Variants in PPP2R2C observed in about 807,000 individuals in gnomAD.
PPP2R2C encodes protein phosphatase 2 regulatory subunit Bgamma.
In PPP2R2C, 10 loss-of-function variants were observed where a neutral mutation model predicts 45.3. The observed-to-expected ratio is 0.22, with a 90% CI of 0.14 to 0.37. The LOEUF (loss-of-function observed/expected upper bound fraction) is 0.37, where lower values mean the gene tolerates loss of function less well. Ranked by LOEUF, PPP2R2C falls within the 10% of genes least tolerant of loss-of-function variation. The pLI is 1.00. For missense variants in PPP2R2C, 308 were observed against 619.7 expected, an observed-to-expected ratio of 0.50 and a Z score of 5.34; for synonymous variants, 257 against 245.4, an observed-to-expected ratio of 1.05 and a Z score of -0.44.
At chr4:6,511,003 A>C (rs376105728) in intron 2 of PPP2R2C, among the ~76,000 whole-genome samples, 11,522 of 148,828 alleles carry the variant, frequency 0.077, 681 homozygotes, top group Non-Finnish European at 0.097. Flanking sequence ...ACAAACAAAA[A>C]AAAAAACAGA....
At chr4:6,484,699 T>C (rs887120519) in intron 2 of PPP2R2C, among the ~76,000 whole-genome samples, 17 of 151,908 alleles carry the variant, frequency 1.1e-4, no homozygotes, top group Non-Finnish European at 1.6e-4. Flanking sequence ...AAGTCTTTCA[T>C]GTCTTTTATC....
chr4:6,352,595 T>C (rs922601366), intron 5 of PPP2R2C, among the ~76,000 whole-genome samples: 2 of 152,200 alleles, frequency 1.3e-5, no homozygotes, highest in Non-Finnish European at 2.9e-5. Flanking sequence ...TAAGAGTCAT[T>C]TTCCCTGCAA....
chr4:6,457,674 G>A (rs1462570886), intron 1 of PPP2R2C, among the ~76,000 whole-genome samples: 2 of 151,974 alleles, frequency 1.3e-5, no homozygotes, highest in African/African-American at 2.4e-5. Context: ...ATGCCCAACC[G>A]GGAAAGTTTT....
At chr4:6,526,172 C>T (rs772090153) in intron 2 of PPP2R2C, among the ~76,000 whole-genome samples, 5 of 152,238 alleles carry the variant, frequency 3.3e-5, no homozygotes, top group Admixed American at 1.3e-4. Context: ...ATGCATGTAA[C>T]ATACATGTTA....
chr4:6,432,701 G>C (rs995009821), intron 1 of PPP2R2C, among the ~76,000 whole-genome samples: 1 of 152,232 alleles, frequency 6.6e-6, no homozygotes, highest in African/African-American at 2.4e-5. Context: ...TACAGGGATA[G>C]AGAAGGGCTA....
chr4:6,438,701 G>A (rs1020893957), intron 1 of PPP2R2C, among the ~76,000 whole-genome samples: 2 of 152,218 alleles, frequency 1.3e-5, no homozygotes, highest in Non-Finnish European at 2.9e-5. Context: ...CATCAGCTCT[G>A]ATGTCATTTG....
chr4:6,433,295 G>A (rs1719723381), intron 1 of PPP2R2C, among the ~76,000 whole-genome samples: 1 of 152,188 alleles, frequency 6.6e-6, no homozygotes, highest in Non-Finnish European at 1.5e-5. Flanking sequence ...GAACAGAGGG[G>A]CTGCTTGGAC....
chr4:6,421,497 G>A (rs969218101), intron 1 of PPP2R2C, among the ~76,000 whole-genome samples: 34 of 152,146 alleles, frequency 2.2e-4, no homozygotes, highest in African/African-American at 7.5e-4. Flanking sequence ...CGGAAGTGCC[G>A]CTCTAGATAC....
At chr4:6,347,808 C>CCCCA in intron 6 of PPP2R2C, 38 bp downstream of exon 6, 1 of 1,531,442 alleles carries the variant, frequency 6.5e-7, no homozygotes, top group Non-Finnish European at 8.8e-7. Flanking sequence ...CCCGCCTGCC[C>CCCCA]AATGCACAGC....
In PPP2R2C at chr4:6,362,259, G is replaced by A. The variant is rs181180249; in HGVS notation, c.625+10264C>T. On this transcript the variant is annotated intron_variant, in intron 5 of 8. Coordinates refer to ENST00000382599, the MANE Select transcript of PPP2R2C (RefSeq NM_020416.4). ...TGGAGTATGAGCTATGAGGGTGGAG[G>A]GGTCCTGACATAAGGCTGGGAGTGG... Among the ~76,000 whole-genome samples, 8 of 152,212 alleles carry A rather than the reference G, an allele frequency of 5.3e-5. No individual in the cohort carries two copies. In the East Asian group the frequency reaches 1.6e-3, roughly 30 times the overall value.
intron 2 of PPP2R2C, among the ~76,000 whole-genome samples, chr4:6,489,007 C>G (rs1722613766): frequency 6.6e-6 from 1 of 151,688 alleles, no homozygotes; most frequent in African/African-American, 2.4e-5. Flanking sequence ...TTCTGCATAA[C>G]TCCAGAGCTG....
At chr4:6,335,844 G>A (rs1036692509) in intron 6 of PPP2R2C, among the ~76,000 whole-genome samples, 3 of 152,072 alleles carry the variant, frequency 2.0e-5, no homozygotes, top group African/African-American at 2.4e-5. Flanking sequence ...GGCAGCAGGA[G>A]GAAGGTCCCC....
rs1296390380 is a variant in PPP2R2C at position 6,378,903 on chromosome 4, C to T, written c.169-331G>A. On this transcript the variant is annotated intron_variant, in intron 2 of 8. Transcript: ENST00000382599. This position sits in a 1 kb window ranked among gnomAD's most constrained non-coding sequence, Gnocchi z 5.2. ...CATTCTACCCTCCAGGCCTCCTCTG[C>T]TTGAGCACCACGACTCTCCCCATTT... Among the ~76,000 whole-genome samples the T allele has an allele frequency of 4.6e-5, 7 of 151,752 alleles. No individual in the cohort carries two copies. The highest frequency in any genetic ancestry group is 4.4e-5 in the Non-Finnish European group (3 of 68,002).
At chr4:6,527,942 C>T (rs183416395) in intron 2 of PPP2R2C, among the ~76,000 whole-genome samples, 5 of 152,300 alleles carry the variant, frequency 3.3e-5, no homozygotes, top group East Asian at 3.9e-4. Context: ...AGGCACAGCC[C>T]GTGAGCCCAG....
At position 6,356,138 on chromosome 4, in the gene PPP2R2C, G is replaced by A. The variant is rs117004615; in HGVS notation, c.626-8128C>T. Among the ~76,000 whole-genome samples, 357 of 152,212 alleles carry A rather than the reference G, an allele frequency of 2.3e-3. 4 individuals are homozygous for A. Among genetic ancestry groups the A allele is most frequent in the African/African-American group, 8.2e-3 (342 of 41,524 alleles). ...TGCACCTGCTCCAAGGCCCATGAGC[G>A]AGATCTTTTTAGGTTGCAAATACTG... On this transcript the variant is annotated intron_variant, in intron 5 of 8. Coordinates refer to ENST00000382599, the MANE Select transcript of PPP2R2C (RefSeq NM_020416.4).
chr4:6,484,222 C>T (rs997406699), intron 2 of PPP2R2C, among the ~76,000 whole-genome samples: 5 of 151,984 alleles, frequency 3.3e-5, no homozygotes, highest in South Asian at 2.1e-4. Flanking sequence ...TGTTTTAGCA[C>T]CCATTATCTA....
At chr4:6,545,979 C>T (rs778971521) in intron 1 of PPP2R2C, among the ~76,000 whole-genome samples, 11 of 151,068 alleles carry the variant, frequency 7.3e-5, no homozygotes, top group Non-Finnish European at 1.6e-4. Context: ...GGGGGGGTTG[C>T]GTGGGGCAGT....
chr4:6,512,941 A>T (rs1723717422), intron 2 of PPP2R2C, among the ~76,000 whole-genome samples: 1 of 152,100 alleles, frequency 6.6e-6, no homozygotes, highest in Non-Finnish European at 1.5e-5. Flanking sequence ...TAAAATGCTG[A>T]TTTAACAGCA....
rs1731572465 is a variant in PPP2R2C, at chr4:6,321,890, T to C, written c.*1412A>G. On this transcript the variant is annotated 3_prime_UTR_variant, in exon 9 of 9. Coordinates refer to ENST00000382599, the MANE Select transcript of PPP2R2C (RefSeq NM_020416.4). The stretch of plus-strand genomic sequence containing the variant: ...CCGAGGGATGTGTCCTCTGGGACTG[T>C]GTGGTCCTTAAAGTAAAGGTATCCT... 1 of 152,110 alleles carries C rather than the reference T, an allele frequency of 6.6e-6. No individual in the cohort carries two copies. The highest frequency in any genetic ancestry group is 1.5e-5 in the Non-Finnish European group (1 of 68,038). 9.4% of individuals were successfully genotyped at this position (152,110 alleles called of 1,614,324 possible). A position where few individuals can be genotyped will look rare whatever the true frequency, so the allele number is the denominator to read the frequency against.
Sources: allele counts gnomAD v4.1 joint callset (sites outside exome capture counted in the v4.1 genomes callset), GRCh38; gene constraint gnomAD v4.1.1; non-coding constraint Gnocchi (gnomAD v3.1); transcripts MANE v1.5; gene names NCBI Gene and HGNC (gene_info 2026-07-23, HGNC 2026-07-21).